The following TTLL4 variants were observed in gnomAD, a reference collection of about 807,000 sequenced individuals.
The protein encoded by TTLL4 is tubulin tyrosine ligase like 4.
TTLL4 carries 85 observed loss-of-function variants against 122.7 expected under a neutral mutation model. The observed-to-expected ratio is 0.69, with a 90% CI of 0.58 to 0.83. TTLL4 has a LOEUF of 0.83. Among genes scored for constraint, TTLL4 ranks in the 40% least tolerant of loss-of-function variants. The pLI is 0.00. For synonymous variants in TTLL4, 553 were observed against 563.0 expected, an observed-to-expected ratio of 0.98 and a Z score of 0.25; for missense variants, 1,363 against 1,488.6, an observed-to-expected ratio of 0.92 and a Z score of 1.39.
intron 5 of TTLL4, among the ~76,000 whole-genome samples, chr2:218,740,992 G>C (rs1683399509): frequency 6.6e-6 from 1 of 152,168 alleles, no homozygotes; most frequent in Non-Finnish European, 1.5e-5. Context: ...AGAATCACTT[G>C]AACCTGGGAA....
chr2:218,737,171 C>A (rs1453753071), intron 2 of TTLL4, among the ~76,000 whole-genome samples: 1 of 152,222 alleles, frequency 6.6e-6, no homozygotes, highest in Admixed American at 6.5e-5. Context: ...TGAGTCCTCT[C>A]TCTCACTTCA....
chr2:218,754,183 A>G lies in TTLL4; in HGVS notation c.3394A>G (p.Thr1132Ala). 1 of 1,614,190 alleles carries G rather than the reference A, an allele frequency of 6.2e-7. No individual in the cohort carries two copies. The highest frequency in any genetic ancestry group is 1.3e-5 in the African/African-American group (1 of 75,042). The change falls in exon 20 of 20, where the codon ACG becomes GCG. Residue 1132 changes from threonine (T) to alanine (A), a missense_variant. Thr to Ala is a moderately conservative substitution (Grantham distance 58). Transcript: ENST00000392102. ...CCTACTACTCTCTGAAGACGGGACCACGCCCAAATCCAAGAAGACTCAAGC... is the reference window on the plus strand; with the variant it reads ...CCTACTACTCTCTGAAGACGGGACCGCGCCCAAATCCAAGAAGACTCAAGC... ...VSLLLSEDGT[T>A]PKSKKTQAGL... is the part of the protein sequence containing the mutation.
At chr2:218,734,580 A>G (rs1354580548) in intron 2 of TTLL4, among the ~76,000 whole-genome samples, 2 of 152,174 alleles carry the variant, frequency 1.3e-5, no homozygotes, top group Admixed American at 1.3e-4. Context: ...AGAAGAAGAA[A>G]GGGCTCCAGG....
chr2:218,715,506 G>A (rs1941830846), intron 1 of TTLL4, among the ~76,000 whole-genome samples: 2 of 152,094 alleles, frequency 1.3e-5, no homozygotes, highest in African/African-American at 2.4e-5. Flanking sequence ...ATTGCTCCTA[G>A]GCTGCAAACC....
rs1942556410 is a variant in TTLL4, at chr2:218,737,454, TGAC to T, written c.-98-121_-98-119del. 4.4e-5 allele frequency: 21 copies of T among 482,752 alleles called. No homozygotes were observed. In the South Asian group the frequency reaches 7.8e-4, roughly 18 times the overall value. The allele number at this position is 482,752 out of a possible 1,614,324, so 29.9% of individuals were successfully genotyped here. ...GGTGTTCTTCTCCCAGTGCCCCAAA[TGAC>T]GACCAAGACTGGTTGCCCAAAAATG... On this transcript the variant is annotated intron_variant, in intron 2 of 19. Transcript: ENST00000392102.
intron 5 of TTLL4, among the ~76,000 whole-genome samples, chr2:218,742,565 T>A (rs1361320625): frequency 1.3e-5 from 2 of 152,182 alleles, no homozygotes; most frequent in Admixed American, 6.5e-5. Context: ...TGTTCCAAGG[T>A]CATAGTTTCT....
intron 6 of TTLL4, 81 bp downstream of exon 6, chr2:218,745,314 G>T: frequency 6.3e-7 from 1 of 1,577,400 alleles, no homozygotes; most frequent in Non-Finnish European, 8.7e-7. Flanking sequence ...GTGGCAGTAG[G>T]TAGGAGAGGG....
chr2:218,753,089 C>T (rs777946602), intron 17 of TTLL4, 26 bp from the exon 18 acceptor site: 15 of 1,613,956 alleles, frequency 9.3e-6, no homozygotes, highest in East Asian at 8.9e-5. Flanking sequence ...CTTCTTAAAC[C>T]CCAACTCCTG....
chr2:218,723,843 G>A (rs1054926990), intron 1 of TTLL4, among the ~76,000 whole-genome samples: 1 of 152,202 alleles, frequency 6.6e-6, no homozygotes, highest in Non-Finnish European at 1.5e-5. Flanking sequence ...AAAAAGATAT[G>A]AAGGTGAATA....
At chr2:218,750,568 G>A (rs892041525) in intron 15 of TTLL4, among the ~76,000 whole-genome samples, 2 of 152,054 alleles carry the variant, frequency 1.3e-5, no homozygotes, top group Non-Finnish European at 2.9e-5. Context: ...TACCTGGGCA[G>A]TCAGGGTCCC....
At chr2:218,726,130 G>A (rs1167350011) in intron 1 of TTLL4, among the ~76,000 whole-genome samples, 2 of 151,866 alleles carry the variant, frequency 1.3e-5, no homozygotes, top group African/African-American at 2.4e-5. Context: ...TTCAGCTTTT[G>A]TTTATCTGGG....
At chr2:218,751,624 G>T in intron 15 of TTLL4, 80 bp from the exon 16 acceptor site, 1 of 1,546,002 alleles carries the variant, frequency 6.5e-7, no homozygotes, top group Admixed American at 2.0e-5. Flanking sequence ...GGTGTCTGCT[G>T]GGCTGGACCT....
intron 2 of TTLL4, among the ~76,000 whole-genome samples, chr2:218,732,555 G>A (rs943867980): frequency 6.6e-6 from 1 of 152,090 alleles, no homozygotes; most frequent in African/African-American, 2.4e-5. Context: ...CTGTCGGTAG[G>A]GTCTGGGTGC....
chr2:218,729,758 AAAAAC>A (rs1415920806), intron 2 of TTLL4, among the ~76,000 whole-genome samples: 5 of 108,438 alleles, frequency 4.6e-5, no homozygotes, highest in Non-Finnish European at 9.4e-5. Context: ...TAAAAAAAAA[AAAAAC>A]AAAAAAAAAA....
chr2:218,754,473 AC>A lies in TTLL4; in HGVS notation c.*89del. 5 of 1,538,238 alleles carry A rather than the reference AC, an allele frequency of 3.3e-6. No homozygotes were observed. The South Asian group carries it at 6.1e-5, about 19-fold the overall frequency. The stretch of plus-strand genomic sequence containing the variant: ...CCAGCCTGCTGTTCAGACCAGTCTG[AC>A]CCCCTACCCCTTTCACCCTGTCCCT... On this transcript the variant is annotated 3_prime_UTR_variant, in exon 20 of 20. Transcript: ENST00000392102.
intron 5 of TTLL4, among the ~76,000 whole-genome samples, chr2:218,742,844 C>T (rs1158807802): frequency 3.3e-4 from 50 of 152,144 alleles, no homozygotes; most frequent in East Asian, 1.9e-4. Context: ...AACATCTTGC[C>T]GGGTGCAGTA....
Position 218,717,253 on chromosome 2 carries a change from C to T in TTLL4, c.-178+6216C>T, listed in dbSNP as rs561726944. On this transcript the variant is annotated intron_variant, in intron 1 of 19. Coordinates refer to ENST00000392102, the MANE Select transcript of TTLL4 (RefSeq NM_014640.5). ...GTTGGGATTATAGGCACAAGTCACCCCACCCAGCTACCTCTTAGTTTTGTT... is the reference window on the plus strand; with the variant it reads ...GTTGGGATTATAGGCACAAGTCACCTCACCCAGCTACCTCTTAGTTTTGTT... Among the ~76,000 whole-genome samples the T allele has an allele frequency of 2.6e-5, 4 of 152,072 alleles. No homozygotes were observed. In the East Asian group the frequency reaches 7.7e-4, roughly 29 times the overall value.
chr2:218,751,889 T>TTTC, intron 16 of TTLL4, 83 bp downstream of exon 16: 1 of 874,004 alleles, frequency 1.1e-6, no homozygotes, highest in Non-Finnish European at 1.6e-6. Context: ...CAGCTTTTCT[T>TTTC]TTTTTTTTTC....
downstream of TTLL4, among the ~76,000 whole-genome samples, chr2:218,758,846 A>T (rs181121469): frequency 2.0e-5 from 3 of 152,366 alleles, no homozygotes; most frequent in Non-Finnish European, 4.4e-5. Context: ...TGTTCATAGC[A>T]GCTTATTCAT....
Sources: gnomAD v4.1 joint callset for allele counts (sites outside exome capture counted in the v4.1 genomes callset) on GRCh38, gnomAD v4.1.1 for gene constraint, MANE v1.5 for transcripts, NCBI Gene and HGNC (gene_info 2026-07-23, HGNC 2026-07-21) for gene names.